The following MAP7 variants were observed in gnomAD, a reference collection of about 807,000 sequenced individuals.
The protein encoded by MAP7 is microtubule associated protein 7, also known as ensconsin.
In MAP7, 52 loss-of-function variants were observed where a neutral mutation model predicts 94.8. The observed-to-expected ratio is 0.55, with a 90% CI of 0.44 to 0.69. The LOEUF is 0.69. Ranked by LOEUF, MAP7 falls within the 30% of genes least tolerant of loss-of-function variation. The pLI is 0.00. For synonymous variants in MAP7, 350 were observed against 357.0 expected, an observed-to-expected ratio of 0.98 and a Z score of 0.22; for missense variants, 940 against 964.6, an observed-to-expected ratio of 0.97 and a Z score of 0.34.
intron 1 of MAP7, among the ~76,000 whole-genome samples, chr6:136,523,614 T>C (rs1300701056): frequency 2.0e-5 from 3 of 152,218 alleles, no homozygotes; most frequent in African/African-American, 7.2e-5. Context: ...CACGGTTATC[T>C]GGTTATTTTA....
chr6:136,365,524 G>A (rs906885839), intron 10 of MAP7, among the ~76,000 whole-genome samples: 7 of 152,116 alleles, frequency 4.6e-5, no homozygotes, highest in Non-Finnish European at 7.4e-5. Flanking sequence ...GTGTTGCCAG[G>A]TAATTTTTTA....
chr6:136,361,091 C>T lies in MAP7; in HGVS notation c.1615G>A (p.Ala539Thr), dbSNP rs751662180. The T allele has an allele frequency of 1.9e-5, 31 of 1,604,450 alleles. 1 individual carries two copies. The highest frequency in any genetic ancestry group is 2.6e-5 in the Non-Finnish European group (31 of 1,179,632). ...TGCAGCTGCTCCTCCTTCTCCCGGG[C>T]CTGCTCGGCTTCCAGCCTGCGCGAC... ...EESRRLEAEQAREKEEQLQRQ... is the reference protein window; with the variant it reads ...EESRRLEAEQTREKEEQLQRQ... The change falls in exon 12 of 18, where the codon GCC (alanine) becomes ACC (threonine). Residue 539 changes from alanine to threonine, a missense_variant. By Grantham distance (58) the Ala-to-Thr change is moderately conservative (BLOSUM62 0). Transcript: ENST00000354570.
chr6:136,408,345 C>G (rs1411409173), intron 3 of MAP7, among the ~76,000 whole-genome samples: 1 of 152,072 alleles, frequency 6.6e-6, no homozygotes, highest in East Asian at 1.9e-4. Context: ...AAAAAGCAGG[C>G]CACATGACAT....
At chr6:136,402,687 A>C (rs1784426548) in intron 3 of MAP7, among the ~76,000 whole-genome samples, 1 of 152,154 alleles carries the variant, frequency 6.6e-6, no homozygotes, top group East Asian at 1.9e-4. Context: ...CCGGCGGATC[A>C]CGAGGTCAGG....
At chr6:136,531,198 G>T (rs537445801) in intron 1 of MAP7, among the ~76,000 whole-genome samples, 13 of 144,616 alleles carry the variant, frequency 9.0e-5, no homozygotes, top group Non-Finnish European at 1.6e-4. Flanking sequence ...TGCAAAGACT[G>T]TCCTCTCTTC....
At chr6:136,513,249 T>C (rs1409745015) in intron 1 of MAP7, among the ~76,000 whole-genome samples, 1 of 152,250 alleles carries the variant, frequency 6.6e-6, no homozygotes, top group Non-Finnish European at 1.5e-5. Context: ...TAGCATTTCA[T>C]CCACAGGACT....
At chr6:136,348,834 A>G (rs747411812) in intron 16 of MAP7, among the ~76,000 whole-genome samples, 1 of 152,172 alleles carries the variant, frequency 6.6e-6, no homozygotes, top group Non-Finnish European at 1.5e-5. Flanking sequence ...AAACACCAAA[A>G]TTACCAAAAA....
chr6:136,388,554 G>T, intron 4 of MAP7, 44 bp from the exon 5 acceptor site: 2 of 1,498,730 alleles, frequency 1.3e-6, no homozygotes, highest in Non-Finnish European at 9.3e-7. Flanking sequence ...CCAGCTGGTT[G>T]TTTGAAGCTT....
At chr6:136,535,167 C>T (rs936808626) in intron 1 of MAP7, among the ~76,000 whole-genome samples, 5 of 152,242 alleles carry the variant, frequency 3.3e-5, no homozygotes, top group African/African-American at 1.2e-4. Context: ...AATAGTTTAG[C>T]TCCTTCCCCG....
intron 1 of MAP7, among the ~76,000 whole-genome samples, chr6:136,458,595 G>C (rs185167374): frequency 6.1e-4 from 93 of 152,184 alleles, no homozygotes; most frequent in African/African-American, 2.1e-3. Context: ...ACAGAATAGG[G>C]AGCCCAGAAA....
chr6:136,354,544 T>G (rs911457277), intron 16 of MAP7, among the ~76,000 whole-genome samples: 5 of 150,800 alleles, frequency 3.3e-5, no homozygotes, highest in Middle Eastern at 3.5e-3. Flanking sequence ...GATTTCATAT[T>G]AGGCTTATTC....
rs760985416 is a variant in MAP7, at chr6:136,384,494, C to CTT, written c.527-715_527-714dup. Among the ~76,000 whole-genome samples, 31 of 140,586 alleles carry CTT rather than the reference C, an allele frequency of 2.2e-4. No individual in the cohort carries two copies. The South Asian group carries it at 2.7e-3, about 12-fold the overall frequency. The allele number at this position is 140,586 out of a possible 152,430, so 92.2% of individuals were successfully genotyped here. On this transcript the variant is annotated intron_variant, in intron 5 of 17. Transcript: ENST00000354570. ...CTATAGTCAAGTAATTTTAAAATTT[C>CTT]TTTTTTTTTTTTTTGGGGAGACAGG...
intron 4 of MAP7, 25 bp downstream of exon 4, chr6:136,389,329 A>C: frequency 6.6e-7 from 1 of 1,519,732 alleles, no homozygotes; most frequent in South Asian, 1.3e-5. Flanking sequence ...GGAGCCACTC[A>C]TATTCTTCCC....
intron 1 of MAP7, among the ~76,000 whole-genome samples, chr6:136,490,596 A>C (rs1425705995): frequency 1.3e-5 from 2 of 152,224 alleles, no homozygotes; most frequent in Non-Finnish European, 2.9e-5. Context: ...GGACATTTGA[A>C]TTTTACTTCT....
intron 1 of MAP7, among the ~76,000 whole-genome samples, chr6:136,457,722 C>T (rs1803798352): frequency 6.6e-6 from 1 of 151,970 alleles, no homozygotes. Flanking sequence ...ATCTCAACAG[C>T]TACAGAAAAA....
chr6:136,365,935 G>A lies in MAP7; in HGVS notation c.1073C>T (p.Pro358Leu), dbSNP rs373351701. 8 of 1,613,998 alleles carry A rather than the reference G, an allele frequency of 5.0e-6. No individual in the cohort carries two copies. The African/African-American group carries it at 1.1e-4, about 22-fold the overall frequency. ...SLPPGSVKAA[P>L]AQVRPPSPGN... Reference sequence around the variant, plus strand: ...GGGGGATGGGGGCCGGACCTGAGCAGGAGCAGCTTTGACTGAGCCGGGTGG... The same window carrying A: ...GGGGGATGGGGGCCGGACCTGAGCAAGAGCAGCTTTGACTGAGCCGGGTGG... The change falls in exon 10 of 18, where the codon CCT becomes CTT. Residue 358 changes from proline (P) to leucine (L), a missense_variant. Physicochemically the swap from Pro to Leu is moderately conservative, Grantham distance 98. Coordinates refer to ENST00000354570, the MANE Select transcript of MAP7 (RefSeq NM_003980.6).
chr6:136,356,898 T>A, intron 15 of MAP7, 104 bp from the exon 16 acceptor site: 3 of 866,276 alleles, frequency 3.5e-6, no homozygotes, highest in Non-Finnish European at 3.8e-6. Context: ...GTTCTGCTAC[T>A]TAAGTGATGT....
At chr6:136,526,957 T>C (rs1827997793) in intron 1 of MAP7, among the ~76,000 whole-genome samples, 1 of 151,828 alleles carries the variant, frequency 6.6e-6, no homozygotes, top group Non-Finnish European at 1.5e-5. Context: ...AGGGAAGAAC[T>C]ATGCTGGCTC....
intron 3 of MAP7, among the ~76,000 whole-genome samples, chr6:136,399,768 CTGATA>C (rs1783546348): frequency 6.6e-6 from 1 of 152,078 alleles, no homozygotes; most frequent in South Asian, 2.1e-4. Flanking sequence ...TATATGCTGA[CTGATA>C]TATGTGCTGA....
Sources: gnomAD v4.1 joint callset for allele counts (sites outside exome capture counted in the v4.1 genomes callset) on GRCh38, gnomAD v4.1.1 for gene constraint, MANE v1.5 for transcripts, NCBI Gene and HGNC (gene_info 2026-07-23, HGNC 2026-07-21) for gene names.